PCDHA3: variants seen among roughly 807,000 people sequenced by gnomAD.
PCDHA3 encodes protocadherin alpha-3.
A neutral mutation model predicts 62.2 loss-of-function variants in PCDHA3; 41 were observed. The ratio of observed to expected loss-of-function variants is 0.66; its 90% CI spans 0.51 to 0.86. PCDHA3 has a LOEUF of 0.86. PCDHA3 is among the 40% of genes least tolerant of loss of function. PCDHA3 has a pLI of 0.00. For missense variants in PCDHA3, 1,304 were observed against 1,241.2 expected (o/e 1.05, Z -0.76); for synonymous variants, 640 against 555.4 (o/e 1.15, Z -2.14).
chr5:140,951,959 A>C (rs2094664205), intron 1 of PCDHA3, among the ~76,000 whole-genome samples: 1 of 152,202 alleles, frequency 6.6e-6, no homozygotes, highest in Admixed American at 6.5e-5. Context: ...GGCATTGGGT[A>C]AATACTCCTG....
chr5:140,818,377 G>C (rs2150101074), intron 1 of PCDHA3, among the ~76,000 whole-genome samples: 27 of 152,086 alleles, frequency 1.8e-4, no homozygotes, highest in Non-Finnish European at 3.4e-4. Context: ...AACTTGAATC[G>C]TGGCATTTTT....
chr5:140,822,197 T>C (rs1767226544), intron 1 of PCDHA3: 1 of 1,614,220 alleles, frequency 6.2e-7, no homozygotes, highest in African/African-American at 1.3e-5. Context: ...AGATTATTCA[T>C]TTTAGAGTCA....
At chr5:140,914,654 T>C (rs2076794688) in intron 1 of PCDHA3, among the ~76,000 whole-genome samples, 1 of 152,202 alleles carries the variant, frequency 6.6e-6, no homozygotes, top group Non-Finnish European at 1.5e-5. Flanking sequence ...CTCTCCCTTC[T>C]TTCCATCTTC....
chr5:140,857,320 G>T, intron 1 of PCDHA3: 1 of 1,598,728 alleles, frequency 6.3e-7, no homozygotes. Flanking sequence ...AGCTGGTGGT[G>T]ACCGCGCGGG....
At chr5:141,008,159 G>A (rs1352277469) in intron 3 of PCDHA3, among the ~76,000 whole-genome samples, 1 of 152,138 alleles carries the variant, frequency 6.6e-6, no homozygotes, top group East Asian at 1.9e-4. Flanking sequence ...TTGATAAGAT[G>A]AGGACTAAAA....
chr5:140,926,798 C>G, intron 1 of PCDHA3: 2 of 1,455,342 alleles, frequency 1.4e-6, no homozygotes, highest in Non-Finnish European at 1.8e-6. Flanking sequence ...GGAGCGTGCT[C>G]TTCCCCGCGG....
At chr5:140,836,414 G>A in intron 1 of PCDHA3, 3 of 1,613,824 alleles carry the variant, frequency 1.9e-6, no homozygotes, top group Non-Finnish European at 1.7e-6. Context: ...AGGCACCAAA[G>A]GCGTCGTCGC....
intron 1 of PCDHA3, among the ~76,000 whole-genome samples, chr5:140,905,695 C>T (rs1350689939): frequency 6.6e-6 from 1 of 152,134 alleles, no homozygotes; most frequent in African/African-American, 2.4e-5. Context: ...TTGTTTGTGT[C>T]ATTTATGATT....
intron 1 of PCDHA3, among the ~76,000 whole-genome samples, chr5:140,933,053 G>C (rs2088831256): frequency 6.6e-6 from 1 of 151,948 alleles, no homozygotes; most frequent in Non-Finnish European, 1.5e-5. Flanking sequence ...TTACAGTCCA[G>C]GATCCTGACT....
intron 1 of PCDHA3, chr5:140,863,094 G>A (rs782437357): frequency 8.7e-6 from 5 of 576,444 alleles, no homozygotes; most frequent in African/African-American, 3.7e-5. Flanking sequence ...TCAGCACGAC[G>A]AGTACCCTGG....
rs781815387 is a variant in PCDHA3, at chr5:140,978,983, C to A, written c.2429C>A (p.Ala810Asp). The part of the protein sequence containing the change: ...RQPNPDWRYS[A>D]SLRAGMHSSV... Reference sequence around the variant, plus strand: ...CCCAACCCTGACTGGCGTTACTCTGCCTCCCTGAGAGCAGGCATGCACAGG... The same window carrying A: ...CCCAACCCTGACTGGCGTTACTCTGACTCCCTGAGAGCAGGCATGCACAGG... Residue 810 changes from alanine (A) to aspartate (D), a missense_variant, in exon 2 of 4, where the codon GCC (alanine) becomes GAC (aspartate). By Grantham distance (126) the Ala-to-Asp change is moderately radical. Transcript: ENST00000522353. 1.6e-5 allele frequency: 26 copies of A among 1,614,142 alleles called. No homozygotes were observed. Among genetic ancestry groups the A allele is most frequent in the Non-Finnish European group, 2.2e-5 (26 of 1,180,024 alleles).
At chr5:140,840,708 CA>C (rs1191329041) in intron 1 of PCDHA3, among the ~76,000 whole-genome samples, 5 of 151,964 alleles carry the variant, frequency 3.3e-5, no homozygotes, top group African/African-American at 1.2e-4. Context: ...GGCAATTTGA[CA>C]TTTATTGAAT....
intron 1 of PCDHA3, among the ~76,000 whole-genome samples, chr5:140,839,385 TG>T (rs1562376337): frequency 1.3e-5 from 2 of 151,834 alleles, no homozygotes; most frequent in South Asian, 2.1e-4. Context: ...ATTATTATGA[TG>T]ATGATGATGA....
chr5:140,818,677 A>G lies in PCDHA3; in HGVS notation c.2394+15086A>G, dbSNP rs2150102036. 2.6e-5 allele frequency among the ~76,000 whole-genome samples: 4 copies of G among 152,324 alleles called. No homozygotes were observed. In the East Asian group the frequency reaches 7.7e-4, roughly 29 times the overall value. On this transcript the variant is annotated intron_variant, in intron 1 of 3. Transcript: ENST00000522353. ...TATAGGGAGACTCCATCTTTACAAA[A>G]AATGAAAAAAATTAGCTAGATGTGG...
At chr5:140,899,252 C>T (rs1219703479) in intron 1 of PCDHA3, among the ~76,000 whole-genome samples, 1 of 152,142 alleles carries the variant, frequency 6.6e-6, no homozygotes, top group Non-Finnish European at 1.5e-5. Context: ...TGAGAGAGGG[C>T]ATCCCTGTCT....
chr5:140,908,208 C>A (rs1477430085), intron 1 of PCDHA3, among the ~76,000 whole-genome samples: 8 of 152,136 alleles, frequency 5.3e-5, no homozygotes, highest in Non-Finnish European at 1.0e-4. Context: ...TCATGCAGAA[C>A]CATCTGTGAA....
At chr5:140,807,877 C>T (rs1764050861) in intron 1 of PCDHA3, 1 of 1,613,990 alleles carries the variant, frequency 6.2e-7, no homozygotes, top group Non-Finnish European at 8.5e-7. Context: ...AGTTACTCAT[C>T]ACAGTACTGG....
intron 1 of PCDHA3, among the ~76,000 whole-genome samples, chr5:140,912,783 A>G (rs1287611610): frequency 6.6e-6 from 1 of 152,166 alleles, no homozygotes; most frequent in African/African-American, 2.4e-5. Context: ...TGTCCCTTCT[A>G]TGCCAATTTT....
intron 1 of PCDHA3, chr5:140,841,610 G>A (rs199713478): frequency 9.3e-7 from 1 of 1,080,210 alleles, no homozygotes; most frequent in Admixed American, 2.5e-5. Context: ...GGAGCTGTGC[G>A]GGCGGAGCGC....
Sources: allele counts gnomAD v4.1 joint callset (sites outside exome capture counted in the v4.1 genomes callset), GRCh38; gene constraint gnomAD v4.1.1; transcripts MANE v1.5; gene names NCBI Gene and HGNC (gene_info 2026-07-23, HGNC 2026-07-21).